Variants in GRM5 observed in about 807,000 individuals in gnomAD.
The protein encoded by GRM5 is glutamate metabotropic receptor 5, also known as metabotropic glutamate receptor 5.
In GRM5, 19 loss-of-function variants were observed where a neutral mutation model predicts 83.1. The ratio of observed to expected loss-of-function variants is 0.23; its 90% CI spans 0.16 to 0.34. The LOEUF (loss-of-function observed/expected upper bound fraction) is 0.34. GRM5 is among the 10% of genes least tolerant of loss of function. The probability of loss-of-function intolerance (pLI) is 1.00; values close to 1 mark genes in which losing one functional copy is unlikely to be tolerated. For synonymous variants in GRM5, 675 were observed against 633.6 expected, an observed-to-expected ratio of 1.07 and a Z score of -0.98; for missense variants, 1,160 against 1,588.3, an observed-to-expected ratio of 0.73 and a Z score of 4.58.
intron 3 of GRM5, among the ~76,000 whole-genome samples, chr11:88,746,425 G>C (rs1473444376): frequency 6.6e-6 from 1 of 152,022 alleles, no homozygotes; most frequent in Non-Finnish European, 1.5e-5. Context: ...CCTGATTCTA[G>C]CCTAGTAAGT....
At chr11:88,849,515 A>T (rs1186029512) in intron 3 of GRM5, among the ~76,000 whole-genome samples, 2 of 152,222 alleles carry the variant, frequency 1.3e-5, no homozygotes, top group Admixed American at 1.3e-4. Context: ...TTTCAAACCC[A>T]AAATTCTATG....
intron 4 of GRM5, among the ~76,000 whole-genome samples, chr11:88,607,255 G>T (rs1433704126): frequency 1.3e-5 from 2 of 152,130 alleles, no homozygotes; most frequent in East Asian, 1.9e-4. Flanking sequence ...ACCTCACACT[G>T]CTGGAAATTC....
At position 88,733,792 on chromosome 11, in the gene GRM5, C is replaced by T. The variant is rs1941855427; in HGVS notation, c.912-80389G>A. 2.0e-5 allele frequency among the ~76,000 whole-genome samples: 3 copies of T among 151,922 alleles called. No homozygotes were observed. In the South Asian group the frequency reaches 6.2e-4, roughly 32 times the overall value. On this transcript the variant is annotated intron_variant, in intron 3 of 9. Transcript: ENST00000305447. The stretch of plus-strand genomic sequence containing the variant: ...TTTATTCTTGTAACTGTTTATTGTC[C>T]TAGGGGAGTGCAAGGACATTAATAA...
At chr11:89,002,411 T>TA (rs997229473) in intron 2 of GRM5, among the ~76,000 whole-genome samples, 22 of 152,070 alleles carry the variant, frequency 1.4e-4, no homozygotes, top group Non-Finnish European at 2.8e-4. Flanking sequence ...TCTGGCTTCC[T>TA]AAAAAAAACT....
chr11:88,757,607 C>T (rs1198600733), intron 3 of GRM5, among the ~76,000 whole-genome samples: 1 of 152,062 alleles, frequency 6.6e-6, no homozygotes, highest in Non-Finnish European at 1.5e-5. Context: ...CTGCTAACAC[C>T]ACCACCAGTG....
intron 2 of GRM5, among the ~76,000 whole-genome samples, chr11:88,956,789 G>C (rs564194333): frequency 2.0e-5 from 3 of 152,184 alleles, no homozygotes; most frequent in African/African-American, 7.2e-5. Flanking sequence ...CTGGGCGAAA[G>C]AATGAGACTC....
intron 2 of GRM5, among the ~76,000 whole-genome samples, chr11:89,008,116 G>C (rs1940581593): frequency 6.6e-6 from 1 of 151,942 alleles, no homozygotes; most frequent in African/African-American, 2.4e-5. Context: ...GATTTAAAAG[G>C]AAACTGTGAA....
Position 88,791,107 on chromosome 11 carries a change from C to T in GRM5, c.911+58799G>A, listed in dbSNP as rs975335087. On this transcript the variant is annotated intron_variant, in intron 3 of 9. Coordinates refer to ENST00000305447, the MANE Select transcript of GRM5 (RefSeq NM_001143831.3). ...TGAACACATAGGAAAGAAGTTAAAC[C>T]AGTAGCATGAACAGGATTTATTCCT... Among the ~76,000 whole-genome samples the T allele has an allele frequency of 1.1e-4, 17 of 152,216 alleles. No individual in the cohort carries two copies. The East Asian group carries it at 1.9e-3, about 17-fold the overall frequency.
At chr11:88,515,144 G>C (rs540336844) in intron 9 of GRM5, among the ~76,000 whole-genome samples, 1 of 152,084 alleles carries the variant, frequency 6.6e-6, no homozygotes, top group Non-Finnish European at 1.5e-5. Flanking sequence ...TAGTACAGTC[G>C]CTACTTCCCC....
intron 2 of GRM5, among the ~76,000 whole-genome samples, chr11:89,020,901 A>G (rs1261325415): frequency 6.6e-6 from 1 of 152,192 alleles, no homozygotes; most frequent in African/African-American, 2.4e-5. Flanking sequence ...GCTTAGTGAG[A>G]TTAGTGCTTT....
At chr11:88,705,388 G>A (rs1481244502) in intron 3 of GRM5, among the ~76,000 whole-genome samples, 2 of 151,926 alleles carry the variant, frequency 1.3e-5, no homozygotes, top group Non-Finnish European at 2.9e-5. Context: ...ATTCCTTTAG[G>A]TATTTTCTGG....
intron 3 of GRM5, among the ~76,000 whole-genome samples, chr11:88,795,801 G>A (rs930881312): frequency 2.6e-5 from 4 of 152,134 alleles, no homozygotes; most frequent in Non-Finnish European, 5.9e-5. Context: ...TTGCTAATGT[G>A]GGTATCATAG....
chr11:88,970,897 T>C lies in GRM5; in HGVS notation c.661+76315A>G, dbSNP rs1054259901. Among the ~76,000 whole-genome samples, 61 of 152,158 alleles carry C rather than the reference T, an allele frequency of 4.0e-4. 1 individual carries two copies. Among genetic ancestry groups the C allele is most frequent in the African/African-American group, 1.2e-3 (51 of 41,438 alleles). On this transcript the variant is annotated intron_variant, in intron 2 of 9. Coordinates refer to ENST00000305447, the MANE Select transcript of GRM5 (RefSeq NM_001143831.3). ...GGGGTTGTGCTTTCTAAATGTCCTT[T>C]TCTTCACCCTTCTTTCTGCCCTCTT...
intron 3 of GRM5, among the ~76,000 whole-genome samples, chr11:88,823,034 C>T (rs1590886179): frequency 6.6e-6 from 1 of 151,732 alleles, no homozygotes; most frequent in East Asian, 1.9e-4. Context: ...TATTCTTTTG[C>T]AAGTTTTTCT....
intron 3 of GRM5, among the ~76,000 whole-genome samples, chr11:88,816,746 CA>C (rs34178436): frequency 7.4e-4 from 91 of 122,364 alleles, no homozygotes; most frequent in Non-Finnish European, 1.0e-3. Flanking sequence ...CAGATTGGTC[CA>C]AAAAAAAAAA....
At chr11:88,647,406 T>A (rs1939492992) in intron 4 of GRM5, among the ~76,000 whole-genome samples, 2 of 152,016 alleles carry the variant, frequency 1.3e-5, no homozygotes, top group African/African-American at 4.8e-5. Context: ...AAGATGACGC[T>A]TTATAAATTC....
chr11:88,874,195 A>G (rs996772563), intron 2 of GRM5, among the ~76,000 whole-genome samples: 1 of 151,752 alleles, frequency 6.6e-6, no homozygotes, highest in African/African-American at 2.4e-5. Context: ...AAGTACAAGG[A>G]ATCCTTGTAA....
intron 1 of GRM5, among the ~76,000 whole-genome samples, 174 bp from the exon 2 acceptor site, chr11:89,048,246 C>G (rs1008136942): frequency 6.6e-6 from 1 of 152,184 alleles, no homozygotes; most frequent in African/African-American, 2.4e-5. Context: ...TTTGATGAAG[C>G]AGCTGATGTA....
intron 4 of GRM5, among the ~76,000 whole-genome samples, chr11:88,632,713 T>C (rs1591396303): frequency 1.3e-5 from 2 of 152,356 alleles, no homozygotes; most frequent in East Asian, 3.9e-4. Flanking sequence ...GTAGAATGGC[T>C]GCACCACATG....
Sources: gnomAD v4.1 joint callset for allele counts (sites outside exome capture counted in the v4.1 genomes callset) on GRCh38, gnomAD v4.1.1 for gene constraint, MANE v1.5 for transcripts, NCBI Gene and HGNC (gene_info 2026-07-23, HGNC 2026-07-21) for gene names.